The following MACROD2 variants were observed in gnomAD, a reference collection of about 807,000 sequenced individuals.
The protein encoded by MACROD2 is mono-ADP ribosylhydrolase 2.
MACROD2 carries 36 observed loss-of-function variants against 70.4 expected under a neutral mutation model. The observed-to-expected ratio is 0.51, with a 90% CI of 0.39 to 0.68. The LOEUF is 0.68. Among genes scored for constraint, MACROD2 ranks in the 30% least tolerant of loss-of-function variants. MACROD2 has a pLI of 0.00. For missense variants in MACROD2, 496 were observed against 538.4 expected (o/e 0.92, Z 0.78); for synonymous variants, 172 against 178.8 (o/e 0.96, Z 0.30).
At chr20:15,098,981 A>G (rs909164017) in intron 5 of MACROD2, among the ~76,000 whole-genome samples, 1 of 152,230 alleles carries the variant, frequency 6.6e-6, no homozygotes, top group Non-Finnish European at 1.5e-5. Flanking sequence ...TGCCAGCAGT[A>G]AGCCTATGAA....
At chr20:14,289,789 G>C (rs2082371397) in intron 3 of MACROD2, among the ~76,000 whole-genome samples, 1 of 152,168 alleles carries the variant, frequency 6.6e-6, no homozygotes, top group Non-Finnish European at 1.5e-5. Context: ...TGATCTACCA[G>C]CCTTGCCTCC....
At chr20:15,846,010 G>A (rs1306459379) in intron 8 of MACROD2, among the ~76,000 whole-genome samples, 1 of 152,202 alleles carries the variant, frequency 6.6e-6, no homozygotes, top group Non-Finnish European at 1.5e-5. Flanking sequence ...ACGTGGACTG[G>A]ATAGACTTGA....
At chr20:15,071,802 T>G (rs1168184341) in intron 5 of MACROD2, among the ~76,000 whole-genome samples, 1 of 152,190 alleles carries the variant, frequency 6.6e-6, no homozygotes, top group African/African-American at 2.4e-5. Context: ...TGCTGCAAAT[T>G]TTGAATCCTA....
chr20:16,032,698 T>G, intron 15 of MACROD2, among the ~76,000 whole-genome samples: 2 of 125,932 alleles, frequency 1.6e-5, no homozygotes, highest in South Asian at 2.5e-4. Flanking sequence ...AGGGAAAAAA[T>G]TAGGATACAG....
At chr20:15,370,144 T>C (rs534687970) in intron 6 of MACROD2, among the ~76,000 whole-genome samples, 70 of 152,240 alleles carry the variant, frequency 4.6e-4, no homozygotes, top group Non-Finnish European at 6.8e-4. Flanking sequence ...AAACCAAGAA[T>C]GGAATACTTG....
intron 3 of MACROD2, among the ~76,000 whole-genome samples, chr20:14,242,141 T>C (rs2081935024): frequency 6.6e-6 from 1 of 152,218 alleles, no homozygotes; most frequent in Non-Finnish European, 1.5e-5. Flanking sequence ...AAATAACATG[T>C]AGTCCTGCAT....
At chr20:14,581,314 A>G (rs1298382493) in intron 4 of MACROD2, among the ~76,000 whole-genome samples, 1 of 152,246 alleles carries the variant, frequency 6.6e-6, no homozygotes, top group African/African-American at 2.4e-5. Context: ...CAGACCAATC[A>G]AATCAGAATC....
At chr20:15,785,672 C>T (rs761945201) in intron 8 of MACROD2, among the ~76,000 whole-genome samples, 12 of 152,040 alleles carry the variant, frequency 7.9e-5, no homozygotes, top group South Asian at 4.2e-4. Context: ...AACTGAAAGG[C>T]TTTTAGCTGA....
At chr20:15,678,382 C>T (rs186669797) in intron 8 of MACROD2, among the ~76,000 whole-genome samples, 2,494 of 149,172 alleles carry the variant, frequency 0.017, 175 homozygotes, top group East Asian at 0.11. Context: ...TTTTTTGAGA[C>T]GGAGTCTCGC....
intron 2 of MACROD2, among the ~76,000 whole-genome samples, chr20:14,082,785 C>G (rs1054414351): frequency 6.6e-6 from 1 of 152,058 alleles, no homozygotes; most frequent in African/African-American, 2.4e-5. Context: ...TTTCTAGGTT[C>G]ACAATAGTCT....
chr20:15,724,792 T>C (rs567083658), intron 8 of MACROD2, among the ~76,000 whole-genome samples: 3 of 152,182 alleles, frequency 2.0e-5, no homozygotes, highest in African/African-American at 7.2e-5. Flanking sequence ...CCATATAAAC[T>C]ATAGAATTGG....
At chr20:15,427,717 G>C (rs2046316943) in intron 6 of MACROD2, among the ~76,000 whole-genome samples, 1 of 152,170 alleles carries the variant, frequency 6.6e-6, no homozygotes, top group Admixed American at 6.5e-5. Context: ...TCAGTTACTG[G>C]TGTGAACTGT....
chr20:15,056,607 G>C (rs1013787990), intron 5 of MACROD2, among the ~76,000 whole-genome samples: 1 of 151,902 alleles, frequency 6.6e-6, no homozygotes, highest in Non-Finnish European at 1.5e-5. Context: ...CTTTAACATG[G>C]TCCCAATTGT....
At chr20:15,036,151 C>G (rs564574385) in intron 5 of MACROD2, among the ~76,000 whole-genome samples, 2 of 152,052 alleles carry the variant, frequency 1.3e-5, no homozygotes, top group Admixed American at 6.5e-5. Flanking sequence ...TAATAGATTT[C>G]TTTTTCATTA....
intron 5 of MACROD2, among the ~76,000 whole-genome samples, chr20:15,124,730 C>G (rs919680436): frequency 6.6e-6 from 1 of 151,834 alleles, no homozygotes; most frequent in Admixed American, 6.6e-5. Context: ...GGACATTAAT[C>G]ATTATTGAAA....
At chr20:14,908,330 G>A (rs1017076869) in intron 5 of MACROD2, among the ~76,000 whole-genome samples, 4 of 144,718 alleles carry the variant, frequency 2.8e-5, no homozygotes, top group African/African-American at 1.0e-4. Context: ...GACCGAGCAA[G>A]ACTCTATCTC....
intron 5 of MACROD2, among the ~76,000 whole-genome samples, chr20:14,801,359 G>C (rs1568803543): frequency 6.6e-6 from 1 of 152,056 alleles, no homozygotes; most frequent in Non-Finnish European, 1.5e-5. Context: ...AGACCAATTT[G>C]TCCACTTAGC....
At chr20:14,261,581 A>T (rs529080231) in intron 3 of MACROD2, among the ~76,000 whole-genome samples, 14 of 152,300 alleles carry the variant, frequency 9.2e-5, no homozygotes, top group Admixed American at 8.5e-4. Flanking sequence ...AAAACATAGA[A>T]TTGAAAATCA....
Position 15,509,456 on chromosome 20 carries a change from G to A in MACROD2, c.645+9609G>A, listed in dbSNP as rs954848501. Among the ~76,000 whole-genome samples the A allele has an allele frequency of 2.0e-5, 3 of 152,194 alleles. No individual in the cohort carries two copies. The South Asian group carries it at 6.2e-4, about 31-fold the overall frequency. On this transcript the variant is annotated intron_variant, in intron 8 of 17. Coordinates refer to ENST00000684519, the MANE Select transcript of MACROD2 (RefSeq NM_001351661.2). ...AAGGAGAGAGAATGCAGTTTGCTCA[G>A]ATGACTTGGCCAGGATGTTCCTAGG...
Sources: allele counts gnomAD v4.1 joint callset (sites outside exome capture counted in the v4.1 genomes callset), GRCh38; gene constraint gnomAD v4.1.1; transcripts MANE v1.5; gene names NCBI Gene and HGNC (gene_info 2026-07-23, HGNC 2026-07-21).